CHD6: variants seen among roughly 807,000 people sequenced by gnomAD.
CHD6 encodes the protein chromodomain helicase DNA binding protein 6.
Under a neutral mutation model 276.9 loss-of-function variants are expected in CHD6, and 50 were observed. That is an observed-to-expected ratio of 0.18 (90% CI 0.14 to 0.23). The LOEUF (loss-of-function observed/expected upper bound fraction) is 0.23, where lower values mean the gene tolerates loss of function less well. Ranked by LOEUF, CHD6 falls within the 10% of genes least tolerant of loss-of-function variation. CHD6 has a pLI of 1.00. For missense variants in CHD6, 2,564 were observed against 3,365.8 expected (o/e 0.76, Z 5.89); for synonymous variants, 1,173 against 1,229.3 (o/e 0.95, Z 0.96).
At chr20:41,504,759 C>T (rs1568653538) in intron 5 of CHD6, among the ~76,000 whole-genome samples, 1 of 152,138 alleles carries the variant, frequency 6.6e-6, no homozygotes, top group African/African-American at 2.4e-5. Flanking sequence ...AAGTTCTTTC[C>T]TCCTGCCAAC....
intron 27 of CHD6, among the ~76,000 whole-genome samples, chr20:41,436,392 C>T (rs1172889709): frequency 2.6e-5 from 4 of 152,104 alleles, no homozygotes; most frequent in South Asian, 2.1e-4. Context: ...ACAGAGAAAG[C>T]GGATCTCTCA....
At chr20:41,458,480 T>C (rs1395986247) in intron 17 of CHD6, among the ~76,000 whole-genome samples, 1 of 152,174 alleles carries the variant, frequency 6.6e-6, no homozygotes, top group Non-Finnish European at 1.5e-5. Flanking sequence ...CATGACCTAG[T>C]CAAATGTGGA....
intron 17 of CHD6, among the ~76,000 whole-genome samples, chr20:41,471,130 G>T (rs934221388): frequency 1.3e-5 from 2 of 152,202 alleles, no homozygotes; most frequent in African/African-American, 4.8e-5. Context: ...TGGCTATGAG[G>T]TCTCTGTTGC....
rs1282752615 is a variant in CHD6 at position 41,484,536 on chromosome 20, A to C, written c.2073T>G (p.Leu691=). Residue 691 remains leucine, a synonymous_variant, in exon 15 of 37, where the codon CTT becomes CTG. Transcript: ENST00000373233. ...RRLKDDVEKN[L]APKQETIIEV... ...CAATGATCGTCTCTTGTTTGGGAGC[A>C]AGGTTCTTTTCCACATCATCTTTCA... is the stretch of plus-strand genomic sequence containing the variant. 1 of 1,613,894 alleles carries C rather than the reference A, an allele frequency of 6.2e-7. No homozygotes were observed.
At chr20:41,499,471 T>A in intron 5 of CHD6, 114 bp from the exon 6 acceptor site, 1 of 789,780 alleles carries the variant, frequency 1.3e-6, no homozygotes, top group Non-Finnish European at 2.0e-6. Context: ...CACCTTTGAG[T>A]ACCAAGGCCT....
At chr20:41,413,093 T>C (rs1359505786) in intron 35 of CHD6, among the ~76,000 whole-genome samples, 1 of 152,234 alleles carries the variant, frequency 6.6e-6, no homozygotes, top group Non-Finnish European at 1.5e-5. Context: ...GGATTTTGCA[T>C]GTCTACTTTT....
At chr20:41,407,485 A>G (rs144763820) in intron 36 of CHD6, among the ~76,000 whole-genome samples, 675 of 152,384 alleles carry the variant, frequency 4.4e-3, no homozygotes, top group Non-Finnish European at 7.2e-3. Flanking sequence ...GGCAGTTAAG[A>G]AATCTATTTA....
At chr20:41,551,086 C>CAGTTTTCA (rs1257315756) in intron 2 of CHD6, among the ~76,000 whole-genome samples, 6 of 152,166 alleles carry the variant, frequency 3.9e-5, no homozygotes, top group Non-Finnish European at 8.8e-5. Context: ...TTCTGATATA[C>CAGTTTTCA]AGTTTTCATT....
chr20:41,538,459 C>T (rs926746980), intron 2 of CHD6, among the ~76,000 whole-genome samples: 1 of 152,102 alleles, frequency 6.6e-6, no homozygotes, highest in Non-Finnish European at 1.5e-5. Flanking sequence ...CACAAAAGGC[C>T]ACATATTGTA....
intron 1 of CHD6, among the ~76,000 whole-genome samples, chr20:41,581,338 C>T (rs1027192979): frequency 1.2e-4 from 19 of 152,092 alleles, no homozygotes; most frequent in African/African-American, 4.1e-4. Context: ...GTTGCTGAGT[C>T]CACATTCTTA....
intron 16 of CHD6, among the ~76,000 whole-genome samples, chr20:41,474,121 C>A (rs1211831557): frequency 6.6e-6 from 1 of 152,106 alleles, no homozygotes; most frequent in Non-Finnish European, 1.5e-5. Flanking sequence ...TAGTACATTG[C>A]CAAGCATAAA....
chr20:41,514,837 G>T lies in CHD6; in HGVS notation c.670C>A (p.Pro224Thr), dbSNP rs2044212067. The T allele has an allele frequency of 1.2e-6, 2 of 1,613,904 alleles. No individual in the cohort carries two copies. Among genetic ancestry groups the T allele is most frequent in the South Asian group, 1.1e-5 (1 of 91,072 alleles). The change falls in exon 4 of 37, where the codon CCT becomes ACT. Residue 224 changes from proline to threonine, a missense_variant. Around this residue, in one of 7 missense-constraint regions of CHD6, gnomAD observed 286 missense variants for 297.8 expected, o/e 0.96. Coordinates refer to ENST00000373233, the MANE Select transcript of CHD6 (RefSeq NM_032221.5). Reference sequence around the variant, plus strand: ...TCTGTAGACTCAGTGGACTCCTCAGGACTCCGCAGAGATGGGTTCGTCAGG... The same window carrying T: ...TCTGTAGACTCAGTGGACTCCTCAGTACTCCGCAGAGATGGGTTCGTCAGG... Reference protein sequence around the residue: ...QGLTNPSLRSPEESTESTDSQ... With the variant: ...QGLTNPSLRSTEESTESTDSQ...
At chr20:41,519,361 C>T (rs2145995648) in intron 3 of CHD6, among the ~76,000 whole-genome samples, 1 of 152,274 alleles carries the variant, frequency 6.6e-6, no homozygotes, top group Admixed American at 6.5e-5. Context: ...TAATCTTTGA[C>T]TCAGCAATCT....
chr20:41,489,883 C>G lies in CHD6; in HGVS notation c.1575G>C (p.Glu525Asp), dbSNP rs781626853. 6.2e-7 allele frequency: 1 copy of G among 1,614,006 alleles called. No homozygotes were observed. The highest frequency in any genetic ancestry group is 1.1e-5 in the South Asian group (1 of 91,078). Residue 525 changes from glutamate (E) to aspartate (D), a missense_variant, in exon 12 of 37, where the codon GAG (glutamate) becomes GAC (aspartate). Glu to Asp is a conservative substitution (Grantham distance 45). Around this residue, in one of 7 missense-constraint regions of CHD6, gnomAD observed 457 missense variants for 889.0 expected, o/e 0.51. Transcript: ENST00000373233. The stretch of plus-strand genomic sequence containing the variant: ...TCTCTGTCCATGTCCGGAACTCCCG[C>G]TCCCAGTTAGTGATGGTGGAGAGAG... ...IAPLSTITNWEREFRTWTEMN... is the reference protein window; with the variant it reads ...IAPLSTITNWDREFRTWTEMN...
At chr20:41,439,841 T>C (rs2047844999) in intron 26 of CHD6, among the ~76,000 whole-genome samples, 159 bp downstream of exon 26, 1 of 152,128 alleles carries the variant, frequency 6.6e-6, no homozygotes, top group African/African-American at 2.4e-5. Flanking sequence ...GAGTAGGGTG[T>C]AACCAAAGTA....
intron 24 of CHD6, among the ~76,000 whole-genome samples, chr20:41,446,560 C>T (rs1316527173): frequency 1.3e-5 from 2 of 152,134 alleles, no homozygotes; most frequent in Non-Finnish European, 2.9e-5. Flanking sequence ...GATGGCTTCT[C>T]CCTCCCCCTC....
intron 1 of CHD6, among the ~76,000 whole-genome samples, chr20:41,576,018 C>G (rs1033585341): frequency 6.6e-6 from 1 of 152,006 alleles, no homozygotes; most frequent in East Asian, 1.9e-4. Context: ...GTTATTTATT[C>G]TCTAGATGAA....
chr20:41,447,906 T>C lies in CHD6; in HGVS notation c.3749A>G (p.Lys1250Arg), dbSNP rs373863314. The C allele has an allele frequency of 2.5e-5, 40 of 1,611,774 alleles. No homozygotes were observed. Among genetic ancestry groups the C allele is most frequent in the Non-Finnish European group, 3.2e-5 (38 of 1,178,846 alleles). Residue 1250 changes from lysine to arginine, a missense_variant, in exon 24 of 37, where the codon AAA becomes AGA. Around this residue, in one of 7 missense-constraint regions of CHD6, gnomAD observed 515 missense variants for 739.5 expected, o/e 0.70. Coordinates refer to ENST00000373233, the MANE Select transcript of CHD6 (RefSeq NM_032221.5). The stretch of plus-strand genomic sequence containing the variant: ...CCTGGCAGGAGATCCTTCAAATGCT[T>C]TCTCAGCTGCTTCTCCCAGTATTTC... ...KAEILGEAAE[K>R]AFEGSPAREL... is the part of the protein sequence containing the mutation.
At chr20:41,511,973 AT>A (rs11332008) in intron 5 of CHD6, among the ~76,000 whole-genome samples, 57,904 of 150,584 alleles carry the variant, frequency 0.38, 13,807 homozygotes, top group African/African-American at 0.66. Flanking sequence ...AGACTTTTAC[AT>A]TTTTTTTTTC....
Sources: gnomAD v4.1 joint callset for allele counts (sites outside exome capture counted in the v4.1 genomes callset) on GRCh38, gnomAD v4.1.1 for gene constraint, gnomAD v4.1.1 regional missense constraint, MANE v1.5 for transcripts, NCBI Gene and HGNC (gene_info 2026-07-23, HGNC 2026-07-21) for gene names.